STXBP6: variants seen among roughly 807,000 people sequenced by gnomAD.
STXBP6 encodes syntaxin-binding protein 6.
In STXBP6, 21 loss-of-function variants were observed where a neutral mutation model predicts 26.9. The observed-to-expected ratio is 0.78, with a 90% CI of 0.55 to 1.12. The LOEUF is 1.12. STXBP6 is among the 50% of genes most tolerant of loss of function. The probability of loss-of-function intolerance (pLI) is 0.00; values close to 1 mark genes in which losing one functional copy is unlikely to be tolerated. For synonymous variants in STXBP6, 97 were observed against 92.6 expected, an observed-to-expected ratio of 1.05 and a Z score of -0.27; for missense variants, 232 against 257.9, an observed-to-expected ratio of 0.90 and a Z score of 0.69.
chr14:24,912,475 C>G (rs1265520959), intron 2 of STXBP6, among the ~76,000 whole-genome samples: 2 of 149,154 alleles, frequency 1.3e-5, no homozygotes, highest in African/African-American at 5.0e-5. Flanking sequence ...ATGCAGCAAC[C>G]AGTGTTTGCC....
At chr14:24,866,233 T>C (rs1018143966) in intron 2 of STXBP6, among the ~76,000 whole-genome samples, 25 of 152,154 alleles carry the variant, frequency 1.6e-4, no homozygotes, top group African/African-American at 4.3e-4. Flanking sequence ...TTTGGACTTG[T>C]ACTGCAATAC....
chr14:25,020,071 C>A (rs1654343191), intron 1 of STXBP6, among the ~76,000 whole-genome samples: 1 of 152,186 alleles, frequency 6.6e-6, no homozygotes, highest in African/African-American at 2.4e-5. Context: ...ACAGATGTCT[C>A]CAACACAGCT....
chr14:24,884,582 G>A (rs2070497950), intron 2 of STXBP6, among the ~76,000 whole-genome samples: 14 of 152,110 alleles, frequency 9.2e-5, no homozygotes, highest in Admixed American at 9.2e-4. Flanking sequence ...CAAGATGGGC[G>A]GCATGCGCTG....
chr14:24,923,931 C>T (rs1035701817), intron 2 of STXBP6, among the ~76,000 whole-genome samples: 7 of 152,066 alleles, frequency 4.6e-5, no homozygotes, highest in African/African-American at 7.2e-5. Context: ...AATTAACAAC[C>T]TTTTCCTTTA....
chr14:24,902,078 T>C (rs2071233701), intron 2 of STXBP6, among the ~76,000 whole-genome samples: 1 of 152,212 alleles, frequency 6.6e-6, no homozygotes, highest in African/African-American at 2.4e-5. Flanking sequence ...ATTAATTTGA[T>C]ATCTGTATAT....
chr14:25,049,643 A>G lies in STXBP6; in HGVS notation c.-33+235T>C. 1.0e-6 allele frequency: 1 copy of G among 985,486 alleles called. No homozygotes were observed. Among genetic ancestry groups the G allele is most frequent in the Non-Finnish European group, 1.2e-6 (1 of 830,004 alleles). 61.0% of individuals were successfully genotyped at this position (985,486 alleles called of 1,614,324 possible). On this transcript the variant is annotated intron_variant, in intron 1 of 5. Coordinates refer to ENST00000323944, the MANE Select transcript of STXBP6 (RefSeq NM_001394410.1). This position sits in a 1 kb window ranked among gnomAD's most constrained non-coding sequence, Gnocchi z 5.6. ...ACGGGTCCCAGGGTTGGAGAGAACC[A>G]GGGACACGAGTCCCTCTCTGCGCGC... is the stretch of plus-strand genomic sequence containing the variant.
chr14:24,851,284 C>T (rs1045029521), intron 4 of STXBP6, among the ~76,000 whole-genome samples: 10 of 149,730 alleles, frequency 6.7e-5, no homozygotes, highest in East Asian at 3.9e-4. Context: ...ATGTGCACAA[C>T]GTGCAGGTTA....
intron 2 of STXBP6, among the ~76,000 whole-genome samples, chr14:24,867,874 G>T (rs1398894164): frequency 6.6e-6 from 1 of 152,156 alleles, no homozygotes. Context: ...GCCACAAACT[G>T]TGAGAACATA....
intron 1 of STXBP6, among the ~76,000 whole-genome samples, chr14:25,043,251 T>A (rs2075671402): frequency 6.6e-6 from 1 of 152,196 alleles, no homozygotes; most frequent in African/African-American, 2.4e-5. Context: ...AACTTTCGAA[T>A]GAGAGAGTAA....
intron 2 of STXBP6, among the ~76,000 whole-genome samples, chr14:24,961,188 T>C (rs1185900702): frequency 6.6e-6 from 1 of 152,136 alleles, no homozygotes; most frequent in Non-Finnish European, 1.5e-5. Flanking sequence ...AAATACCACA[T>C]GTCACTTTTA....
At chr14:24,854,738 C>G (rs559785255) in intron 4 of STXBP6, among the ~76,000 whole-genome samples, 1 of 151,956 alleles carries the variant, frequency 6.6e-6, no homozygotes, top group Non-Finnish European at 1.5e-5. Context: ...GCACTGGTGG[C>G]GCAGACATGA....
At chr14:24,821,838 C>T (rs372923847) in intron 4 of STXBP6, among the ~76,000 whole-genome samples, 43 of 152,280 alleles carry the variant, frequency 2.8e-4, no homozygotes, top group African/African-American at 9.1e-4. Flanking sequence ...TGCATCATTT[C>T]GCTCTGTTGA....
At chr14:24,970,031 C>A (rs538954789) in intron 2 of STXBP6, among the ~76,000 whole-genome samples, 30 of 152,218 alleles carry the variant, frequency 2.0e-4, no homozygotes, top group Middle Eastern at 3.4e-3. Flanking sequence ...GGCCTGAGGT[C>A]GGGAACTCGA....
intron 4 of STXBP6, among the ~76,000 whole-genome samples, chr14:24,849,591 A>G (rs571765573): frequency 6.6e-6 from 1 of 152,072 alleles, no homozygotes; most frequent in African/African-American, 2.4e-5. Context: ...CATTTTCCTC[A>G]TCTGTACTTG....
At chr14:25,010,174 C>G (rs1404201489) in intron 1 of STXBP6, among the ~76,000 whole-genome samples, 1 of 152,178 alleles carries the variant, frequency 6.6e-6, no homozygotes, top group South Asian at 2.1e-4. Context: ...TCAGGAAGAG[C>G]TGTTAAGTTA....
At chr14:24,981,578 T>C (rs2074193004) in intron 1 of STXBP6, among the ~76,000 whole-genome samples, 1 of 152,174 alleles carries the variant, frequency 6.6e-6, no homozygotes, top group Non-Finnish European at 1.5e-5. Flanking sequence ...TGTGTTTTTA[T>C]GAAGGGTAAA....
At chr14:24,856,387 A>G (rs1019588574) in intron 3 of STXBP6, among the ~76,000 whole-genome samples, 11 of 152,106 alleles carry the variant, frequency 7.2e-5, no homozygotes, top group Non-Finnish European at 1.3e-4. Context: ...TATCTTCCCA[A>G]TTTCCTGGAA....
intron 2 of STXBP6, among the ~76,000 whole-genome samples, chr14:24,928,853 T>A (rs1258117085): frequency 6.6e-6 from 1 of 152,078 alleles, no homozygotes; most frequent in African/African-American, 2.4e-5. Context: ...GTTTTTAGAG[T>A]TCTTTAAATT....
intron 1 of STXBP6, among the ~76,000 whole-genome samples, chr14:25,043,964 G>A (rs770959740): frequency 1.2e-4 from 18 of 151,970 alleles, no homozygotes; most frequent in Non-Finnish European, 2.1e-4. Flanking sequence ...GAGCCCAGGA[G>A]TTCAAGATCA....
Sources: gnomAD v4.1 joint callset for allele counts (sites outside exome capture counted in the v4.1 genomes callset) on GRCh38, gnomAD v4.1.1 for gene constraint, Gnocchi (gnomAD v3.1) non-coding constraint, MANE v1.5 for transcripts, NCBI Gene and HGNC (gene_info 2026-07-23, HGNC 2026-07-21) for gene names.